THEMIS: variants seen among roughly 807,000 people sequenced by gnomAD.
The protein encoded by THEMIS is thymocyte selection associated, also known as protein THEMIS.
A neutral mutation model predicts 52.6 loss-of-function variants in THEMIS; 37 were observed. The observed-to-expected ratio is 0.70, with a 90% CI of 0.54 to 0.93. THEMIS has a LOEUF of 0.93. THEMIS is among the 40% of genes least tolerant of loss of function. The pLI is 0.00. For synonymous variants in THEMIS, 292 were observed against 272.7 expected (o/e 1.07, Z -0.70); for missense variants, 808 against 763.1 (o/e 1.06, Z -0.69).
At chr6:127,783,557 A>T (rs971516835) in intron 4 of THEMIS, among the ~76,000 whole-genome samples, 1 of 152,242 alleles carries the variant, frequency 6.6e-6, no homozygotes, top group Non-Finnish European at 1.5e-5. Context: ...AAACAACCCC[A>T]TCAAAAACTG....
intron 3 of THEMIS, among the ~76,000 whole-genome samples, chr6:127,826,939 AT>A (rs146784148): frequency 4.6e-4 from 69 of 150,176 alleles, no homozygotes; most frequent in African/African-American, 1.1e-3. Context: ...AAACATTTTT[AT>A]TTTTTTTTTG....
intron 4 of THEMIS, among the ~76,000 whole-genome samples, chr6:127,741,212 C>T (rs930254207): frequency 6.6e-6 from 1 of 152,180 alleles, no homozygotes; most frequent in Non-Finnish European, 1.5e-5. Flanking sequence ...GTAAGCTTAC[C>T]ATTTCCTTTA....
At chr6:127,899,787 C>T (rs184709225) in intron 1 of THEMIS, among the ~76,000 whole-genome samples, 6 of 151,264 alleles carry the variant, frequency 4.0e-5, no homozygotes, top group Middle Eastern at 3.5e-3. Flanking sequence ...TGATTATACA[C>T]GGCAAAACAT....
At chr6:127,848,626 G>A (rs1355024730) in intron 2 of THEMIS, among the ~76,000 whole-genome samples, 6 of 152,146 alleles carry the variant, frequency 3.9e-5, no homozygotes, top group Non-Finnish European at 2.9e-5. Context: ...TCTAACTGGT[G>A]TGAGATGGTA....
chr6:127,895,846 C>G lies in THEMIS; in HGVS notation c.91+4996G>C, dbSNP rs73773936. On this transcript the variant is annotated intron_variant, in intron 1 of 5. Coordinates refer to ENST00000368248, the MANE Select transcript of THEMIS (RefSeq NM_001010923.3). ...ATCTTTAGGAAAATAACAAAAGACT[C>G]CAACCAAGAAGTTCCGTAAGTTCAA... 5.2e-3 allele frequency among the ~76,000 whole-genome samples: 780 copies of G among 151,306 alleles called. 6 individuals are homozygous for G. Among genetic ancestry groups the G allele is most frequent in the African/African-American group, 0.018 (743 of 41,446 alleles).
chr6:127,809,629 T>C (rs1039319411), intron 4 of THEMIS, among the ~76,000 whole-genome samples: 2 of 152,042 alleles, frequency 1.3e-5, no homozygotes, highest in Non-Finnish European at 2.9e-5. Context: ...TCTGATAAAT[T>C]CTCAACCAAA....
At chr6:127,877,822 A>T (rs1348004602) in intron 1 of THEMIS, among the ~76,000 whole-genome samples, 1 of 152,232 alleles carries the variant, frequency 6.6e-6, no homozygotes, top group African/African-American at 2.4e-5. Context: ...ATTGCTCGAT[A>T]CAGGTGTGCC....
intron 1 of THEMIS, among the ~76,000 whole-genome samples, chr6:127,913,094 G>A (rs1044318914): frequency 2.0e-5 from 3 of 152,252 alleles, no homozygotes; most frequent in Non-Finnish European, 2.9e-5. Flanking sequence ...CCAAGTGAAC[G>A]TAATGCTCTG....
In THEMIS at chr6:127,873,250, T is replaced by C. The variant is rs375458826; in HGVS notation, c.92-18062A>G. 3.3e-4 allele frequency among the ~76,000 whole-genome samples: 51 copies of C among 152,304 alleles called. No individual in the cohort carries two copies. In the South Asian group the frequency reaches 9.5e-3, roughly 28 times the overall value. ...GATATACAGGTCAATGCAATTCTTA[T>C]CAACATTTTTGTAAATTTTTTGTAG... On this transcript the variant is annotated intron_variant, in intron 1 of 5. Transcript: ENST00000368248.
intron 4 of THEMIS, among the ~76,000 whole-genome samples, chr6:127,727,625 T>C (rs554508195): frequency 2.0e-5 from 3 of 152,280 alleles, no homozygotes; most frequent in African/African-American, 7.2e-5. Context: ...GTCCTGGCAA[T>C]CTGATTTAAA....
intron 4 of THEMIS, among the ~76,000 whole-genome samples, chr6:127,735,285 A>T (rs568683368): frequency 1.4e-4 from 22 of 151,960 alleles, no homozygotes; most frequent in Non-Finnish European, 2.4e-4. Context: ...TGATAATTAA[A>T]GACTAAATCT....
chr6:127,805,324 G>A (rs1236494953), intron 4 of THEMIS, among the ~76,000 whole-genome samples: 1 of 152,040 alleles, frequency 6.6e-6, no homozygotes, highest in Non-Finnish European at 1.5e-5. Flanking sequence ...TGCTTAGAAA[G>A]TTTCTAAGAC....
chr6:127,703,816 T>C (rs1175240234), downstream of THEMIS, among the ~76,000 whole-genome samples: 1 of 152,184 alleles, frequency 6.6e-6, no homozygotes, highest in East Asian at 1.9e-4. Flanking sequence ...CTATATTTGT[T>C]CTGGGCTGCT....
intron 2 of THEMIS, among the ~76,000 whole-genome samples, chr6:127,852,859 T>G (rs184124785): frequency 1.6e-4 from 24 of 151,678 alleles, no homozygotes; most frequent in African/African-American, 5.8e-4. Context: ...CTTTCCATTT[T>G]CACTCTGTCC....
At chr6:127,911,686 A>C (rs540956919) in intron 1 of THEMIS, among the ~76,000 whole-genome samples, 4 of 150,974 alleles carry the variant, frequency 2.6e-5, no homozygotes, top group African/African-American at 4.9e-5. Flanking sequence ...CTATCCTTCC[A>C]CTCCAGTTGT....
At chr6:127,750,904 C>A (rs961503354) in intron 4 of THEMIS, among the ~76,000 whole-genome samples, 5 of 151,622 alleles carry the variant, frequency 3.3e-5, no homozygotes, top group Non-Finnish European at 7.4e-5. Flanking sequence ...AAAAGAAATA[C>A]TTTCCCAGGC....
chr6:127,834,752 T>G (rs147418767), intron 2 of THEMIS, among the ~76,000 whole-genome samples: 1 of 152,270 alleles, frequency 6.6e-6, no homozygotes, highest in African/African-American at 2.4e-5. Context: ...ACAAATAAAC[T>G]TTCCCAGTAA....
chr6:127,763,053 T>A (rs1419566919), intron 4 of THEMIS, among the ~76,000 whole-genome samples: 1 of 152,014 alleles, frequency 6.6e-6, no homozygotes, highest in Non-Finnish European at 1.5e-5. Context: ...GGGAATGCTT[T>A]TAAGTATTCC....
At chr6:127,869,393 G>A (rs544952497) in intron 1 of THEMIS, among the ~76,000 whole-genome samples, 1 of 152,314 alleles carries the variant, frequency 6.6e-6, no homozygotes, top group Admixed American at 6.5e-5. Context: ...TCATGATCAT[G>A]TAACTGACTG....
Sources: gnomAD v4.1 joint callset for allele counts (sites outside exome capture counted in the v4.1 genomes callset) on GRCh38, gnomAD v4.1.1 for gene constraint, MANE v1.5 for transcripts, NCBI Gene and HGNC (gene_info 2026-07-23, HGNC 2026-07-21) for gene names.